Variants in TLK1 observed in about 807,000 individuals in gnomAD.
The protein encoded by TLK1 is serine/threonine-protein kinase tousled-like 1.
In TLK1, 24 loss-of-function variants were observed where a neutral mutation model predicts 105.3. The observed-to-expected ratio is 0.23, with a 90% CI of 0.17 to 0.32. The LOEUF (loss-of-function observed/expected upper bound fraction) is 0.32. TLK1 is among the 10% of genes least tolerant of loss of function. TLK1 has a pLI of 1.00. For missense variants in TLK1, 558 were observed against 910.5 expected, an observed-to-expected ratio of 0.61 and a Z score of 4.98; for synonymous variants, 321 against 310.4, an observed-to-expected ratio of 1.03 and a Z score of -0.36.
chr2:171,125,081 T>C (rs939621423), intron 1 of TLK1, among the ~76,000 whole-genome samples: 1 of 152,248 alleles, frequency 6.6e-6, no homozygotes, highest in African/African-American at 2.4e-5. Context: ...TTTTTTTGAC[T>C]GCTTCAATAA....
intron 2 of TLK1, among the ~76,000 whole-genome samples, chr2:171,095,187 A>G (rs1172933072): frequency 6.6e-6 from 1 of 152,176 alleles, no homozygotes; most frequent in East Asian, 1.9e-4. Flanking sequence ...GAGATCTTGA[A>G]TCATAACCCA....
chr2:171,016,535 G>A (rs184705387), intron 12 of TLK1, among the ~76,000 whole-genome samples: 97 of 152,262 alleles, frequency 6.4e-4, no homozygotes, highest in African/African-American at 2.1e-3. Flanking sequence ...TGGAACAGAA[G>A]TTTTTTCTGA....
intron 11 of TLK1, among the ~76,000 whole-genome samples, chr2:171,041,689 C>T (rs1048929275): frequency 2.6e-5 from 4 of 152,220 alleles, no homozygotes; most frequent in African/African-American, 7.2e-5. Flanking sequence ...GCCCCCACCC[C>T]AGCCCATGAA....
chr2:171,040,791 G>A (rs1043854169), intron 11 of TLK1, among the ~76,000 whole-genome samples: 4 of 151,736 alleles, frequency 2.6e-5, no homozygotes, highest in Non-Finnish European at 2.9e-5. Flanking sequence ...TGCCCAGGCT[G>A]GTCTCAAACT....
intron 1 of TLK1, among the ~76,000 whole-genome samples, chr2:171,152,730 C>T (rs1464134954): frequency 1.3e-5 from 2 of 152,098 alleles, no homozygotes; most frequent in Non-Finnish European, 2.9e-5. Context: ...AAATAGACTG[C>T]TCCGATACTG....
intron 1 of TLK1, among the ~76,000 whole-genome samples, chr2:171,148,937 G>T (rs1691911741): frequency 6.8e-6 from 1 of 146,714 alleles, no homozygotes; most frequent in African/African-American, 2.5e-5. Context: ...GCGTGTGCGT[G>T]TGTGTGTATG....
At chr2:171,005,982 A>G (rs1684633875) in intron 18 of TLK1, among the ~76,000 whole-genome samples, 165 bp downstream of exon 18, 1 of 152,164 alleles carries the variant, frequency 6.6e-6, no homozygotes, top group Admixed American at 6.5e-5. Flanking sequence ...AGATGAGAAA[A>G]GAGGAATGAC....
At chr2:171,052,439 T>C (rs1687287405) in intron 8 of TLK1, among the ~76,000 whole-genome samples, 1 of 152,188 alleles carries the variant, frequency 6.6e-6, no homozygotes. Context: ...GAACTGTTTA[T>C]ACTAGAAAAA....
intron 14 of TLK1, among the ~76,000 whole-genome samples, chr2:171,011,039 C>G (rs1684891794): frequency 6.6e-6 from 1 of 152,168 alleles, no homozygotes; most frequent in Admixed American, 6.5e-5. Context: ...GGGTCTTGCT[C>G]TGTCACCCAT....
intron 1 of TLK1, among the ~76,000 whole-genome samples, chr2:171,192,034 A>G (rs1693164954): frequency 6.6e-6 from 1 of 152,032 alleles, no homozygotes; most frequent in East Asian, 1.9e-4. Flanking sequence ...ATGAACACAC[A>G]TTTATTATTT....
Position 170,994,853 on chromosome 2 carries a change from T to TG in TLK1, c.2125-898dup, listed in dbSNP as rs201412246. On this transcript the variant is annotated intron_variant, in intron 20 of 20. Transcript: ENST00000431350. ...TTAAATTTTGAGGTTCATCCTTTTT[T>TG]GGGGGGGGAGGGAACAGATAAAATA... The TG allele has an allele frequency of 4.6e-3, 1,664 of 361,362 alleles. 14 individuals are homozygous for TG. Among genetic ancestry groups the TG allele is most frequent in the African/African-American group, 0.022 (1,017 of 47,150 alleles). The allele number at this position is 361,362 out of a possible 1,614,324, so 22.4% of individuals were successfully genotyped here. A position where few individuals can be genotyped will look rare whatever the true frequency, so the allele number is the denominator to read the frequency against.
At chr2:171,199,483 G>A (rs1210562588) in intron 1 of TLK1, among the ~76,000 whole-genome samples, 1 of 150,906 alleles carries the variant, frequency 6.6e-6, no homozygotes, top group Non-Finnish European at 1.5e-5. Context: ...ACCACACTCT[G>A]TCCTGGGTGA....
chr2:171,159,091 T>A (rs1250002332), intron 1 of TLK1, among the ~76,000 whole-genome samples: 2 of 152,244 alleles, frequency 1.3e-5, no homozygotes, highest in Non-Finnish European at 2.9e-5. Context: ...AGGCTCTGAC[T>A]AGCAAATATC....
intron 1 of TLK1, among the ~76,000 whole-genome samples, chr2:171,134,748 T>G (rs1310953060): frequency 4.0e-5 from 4 of 98,838 alleles, no homozygotes; most frequent in Non-Finnish European, 8.3e-5. Context: ...TTTTTTTTTT[T>G]GAGACAGGGT....
intron 1 of TLK1, among the ~76,000 whole-genome samples, chr2:171,137,756 G>A (rs1021065853): frequency 8.6e-5 from 13 of 151,924 alleles, no homozygotes; most frequent in African/African-American, 2.7e-4. Flanking sequence ...GGCTGAGGCA[G>A]GAGAAATGCT....
intron 3 of TLK1, among the ~76,000 whole-genome samples, chr2:171,064,748 T>C (rs551810080): frequency 6.6e-6 from 1 of 152,202 alleles, no homozygotes; most frequent in Non-Finnish European, 1.5e-5. Context: ...GAGAGACTAG[T>C]ACACTTTAAA....
At chr2:171,177,840 C>G (rs1253343135) in intron 1 of TLK1, among the ~76,000 whole-genome samples, 1 of 152,102 alleles carries the variant, frequency 6.6e-6, no homozygotes, top group African/African-American at 2.4e-5. Context: ...GTTGCCCAGG[C>G]TGGAGTGAAA....
chr2:171,219,113 C>G (rs991492760), intron 1 of TLK1, among the ~76,000 whole-genome samples: 3 of 152,138 alleles, frequency 2.0e-5, no homozygotes, highest in Non-Finnish European at 4.4e-5. Flanking sequence ...AATAAACAGT[C>G]TCCAATTATT....
In TLK1 at chr2:171,160,256, G is replaced by T. The variant is rs1308500565; in HGVS notation, c.139+34C>A. On this transcript the variant is annotated intron_variant, in intron 1 of 20. Transcript: ENST00000431350. This position sits in a 1 kb window ranked among gnomAD's most constrained non-coding sequence, Gnocchi z 4.4. ...GGGGGTCCGCGGCGCGGGAGAGGAG[G>T]CCCGCGAGCGGGCGCGGGCGCGGCG... 2.7e-6 allele frequency: 4 copies of T among 1,464,948 alleles called. No individual in the cohort carries two copies. The highest frequency in any genetic ancestry group is 3.6e-6 in the Non-Finnish European group (4 of 1,112,164). The allele number at this position is 1,464,948 out of a possible 1,614,324, so 90.7% of individuals were successfully genotyped here. A position where few individuals can be genotyped will look rare whatever the true frequency, so the allele number is the denominator to read the frequency against.
Sources: allele counts gnomAD v4.1 joint callset (sites outside exome capture counted in the v4.1 genomes callset), GRCh38; gene constraint gnomAD v4.1.1; non-coding constraint Gnocchi (gnomAD v3.1); transcripts MANE v1.5; gene names NCBI Gene and HGNC (gene_info 2026-07-23, HGNC 2026-07-21).